The following ITGB3 variants were observed in gnomAD, a reference collection of about 807,000 sequenced individuals.
ITGB3 encodes integrin subunit beta 3.
In ITGB3, 48 loss-of-function variants were observed where a neutral mutation model predicts 85.8. The ratio of observed to expected loss-of-function variants is 0.56; its 90% CI spans 0.44 to 0.71. The LOEUF (loss-of-function observed/expected upper bound fraction) is 0.71. Ranked by LOEUF, ITGB3 falls within the 30% of genes least tolerant of loss-of-function variation. ITGB3 has a pLI of 0.00. For synonymous variants in ITGB3, 363 were observed against 395.6 expected (o/e 0.92, Z 0.98); for missense variants, 861 against 1,019.1 (o/e 0.84, Z 2.11).
chr17:47,270,837 G>A (rs8066295), intron 1 of ITGB3, among the ~76,000 whole-genome samples: 43,077 of 152,040 alleles, frequency 0.28, 6,409 homozygotes, highest in African/African-American at 0.34. Context: ...CAAGGATTCC[G>A]CATATAATCT....
chr17:47,300,346 C>CGTGTGTGTGCGT (rs2065162193), intron 11 of ITGB3, 132 bp from the exon 12 acceptor site: 1 of 611,562 alleles, frequency 1.6e-6, no homozygotes, highest in Non-Finnish European at 3.0e-6. Context: ...CGCGCGCGCG[C>CGTGTGTGTGCGT]GTGTGTGTGT....
intron 10 of ITGB3, among the ~76,000 whole-genome samples, chr17:47,295,926 A>AG (rs1399931354): frequency 2.0e-5 from 3 of 152,158 alleles, no homozygotes; most frequent in African/African-American, 7.2e-5. Flanking sequence ...TGACTGATGG[A>AG]GAAGGGGTTA....
At chr17:47,269,283 C>T (rs1260042151) in intron 1 of ITGB3, among the ~76,000 whole-genome samples, 1 of 152,218 alleles carries the variant, frequency 6.6e-6, no homozygotes, top group East Asian at 1.9e-4. Flanking sequence ...CTCCTCGTTA[C>T]TTATTTCTGC....
intron 4 of ITGB3, among the ~76,000 whole-genome samples, chr17:47,285,858 A>G (rs925376329): frequency 5.3e-5 from 8 of 152,076 alleles, no homozygotes; most frequent in African/African-American, 1.9e-4. Context: ...AGTAATAGCA[A>G]CTCGAGCCTC....
chr17:47,263,094 C>T (rs2065014019), intron 1 of ITGB3, among the ~76,000 whole-genome samples: 1 of 152,178 alleles, frequency 6.6e-6, no homozygotes, highest in South Asian at 2.1e-4. Flanking sequence ...TACTTGAGGT[C>T]ATACGGCCAG....
At chr17:47,272,703 CTTT>C (rs2065049455) in intron 1 of ITGB3, among the ~76,000 whole-genome samples, 1 of 63,180 alleles carries the variant, frequency 1.6e-5, no homozygotes, top group Non-Finnish European at 3.1e-5. Context: ...TTCTTTCCTT[CTTT>C]CTTTCTTTCT....
intron 9 of ITGB3, chr17:47,291,593 T>C: frequency 3.8e-6 from 1 of 265,742 alleles, no homozygotes; most frequent in South Asian, 5.2e-5. Flanking sequence ...AAATAGATCT[T>C]TGGATACGCT....
chr17:47,287,948 CAG>C (rs958551872), intron 6 of ITGB3, among the ~76,000 whole-genome samples: 3 of 79,826 alleles, frequency 3.8e-5, no homozygotes, highest in Non-Finnish European at 6.8e-5. Flanking sequence ...TTTTTTGATA[CAG>C]AGTCTTGCTT....
At chr17:47,289,878 GTC>G in intron 7 of ITGB3, 102 bp downstream of exon 7, 2 of 868,334 alleles carry the variant, frequency 2.3e-6, no homozygotes, top group Non-Finnish European at 3.9e-6. Flanking sequence ...TCAGGAAAGA[GTC>G]TCCCCTAATC....
At chr17:47,272,678 T>TTTCTTTCTA (rs1555571583) in intron 1 of ITGB3, among the ~76,000 whole-genome samples, 14 of 145,182 alleles carry the variant, frequency 9.6e-5, no homozygotes, top group Non-Finnish European at 1.5e-4. Flanking sequence ...TCTTTCTTTC[T>TTTCTTTCTA]TTTTTTTTCT....
chr17:47,292,372 G>C lies in ITGB3; in HGVS notation c.1494G>C (p.Glu498Asp). 3 of 1,614,236 alleles carry C rather than the reference G, an allele frequency of 1.9e-6. No homozygotes were observed. Among genetic ancestry groups the C allele is most frequent in the Non-Finnish European group, 2.5e-6 (3 of 1,180,040 alleles). Reference sequence around the variant, plus strand: ...CTGGCTGGCTGGGATCCCAGTGTGAGTGCTCAGAGGAGGACTATCGCCCTT... The same window carrying C: ...CTGGCTGGCTGGGATCCCAGTGTGACTGCTCAGAGGAGGACTATCGCCCTT... ...CGPGWLGSQC[E>D]CSEEDYRPSQ... is the part of the protein sequence containing the mutation. The change falls in exon 10 of 15, where the codon GAG becomes GAC. Residue 498 changes from glutamate (E) to aspartate (D), a missense_variant. Glu to Asp is a conservative substitution (Grantham distance 45). Coordinates refer to ENST00000559488, the MANE Select transcript of ITGB3 (RefSeq NM_000212.3).
chr17:47,258,099 G>A (rs1436350958), intron 1 of ITGB3, among the ~76,000 whole-genome samples: 1 of 152,186 alleles, frequency 6.6e-6, no homozygotes, highest in Non-Finnish European at 1.5e-5. Flanking sequence ...TCAGAAGACA[G>A]ATAATTAACC....
intron 1 of ITGB3, among the ~76,000 whole-genome samples, chr17:47,272,228 T>G (rs755597913): frequency 3.3e-5 from 5 of 151,736 alleles, no homozygotes; most frequent in Non-Finnish European, 2.9e-5. Flanking sequence ...GCTAATTTTT[T>G]GTATTTTAGT....
intron 6 of ITGB3, among the ~76,000 whole-genome samples, 156 bp from the exon 7 acceptor site, chr17:47,289,525 A>G (rs1036667663): frequency 6.6e-6 from 1 of 152,026 alleles, no homozygotes; most frequent in Non-Finnish European, 1.5e-5. Flanking sequence ...GGGTCTTGCT[A>G]TGTTGCCCAG....
intron 1 of ITGB3, among the ~76,000 whole-genome samples, chr17:47,271,645 C>T (rs950788359): frequency 6.6e-6 from 1 of 152,176 alleles, no homozygotes; most frequent in Non-Finnish European, 1.5e-5. Context: ...ATTTACCTTG[C>T]ACACCACAAT....
intron 1 of ITGB3, among the ~76,000 whole-genome samples, chr17:47,257,376 A>G (rs1261518401): frequency 3.3e-5 from 5 of 152,240 alleles, no homozygotes; most frequent in Admixed American, 3.3e-4. Context: ...AGGCTTATAC[A>G]TTTGCTTTAC....
intron 1 of ITGB3, among the ~76,000 whole-genome samples, chr17:47,265,155 A>G (rs1005028690): frequency 6.6e-6 from 1 of 152,258 alleles, no homozygotes; most frequent in African/African-American, 2.4e-5. Context: ...TTCAAACCTT[A>G]TCCATACGTG....
intron 10 of ITGB3, among the ~76,000 whole-genome samples, chr17:47,295,769 G>A (rs574246938): frequency 2.8e-5 from 4 of 140,456 alleles, no homozygotes; most frequent in East Asian, 2.6e-4. Context: ...GTGAAAGGCC[G>A]GGGGGCGGGT....
intron 1 of ITGB3, among the ~76,000 whole-genome samples, chr17:47,269,212 A>G (rs528373882): frequency 6.6e-5 from 10 of 152,340 alleles, no homozygotes; most frequent in African/African-American, 2.4e-4. Flanking sequence ...AGGGGCTACC[A>G]TGAAGGTCTC....
Sources: allele counts gnomAD v4.1 joint callset (sites outside exome capture counted in the v4.1 genomes callset), GRCh38; gene constraint gnomAD v4.1.1; transcripts MANE v1.5; gene names NCBI Gene and HGNC (gene_info 2026-07-23, HGNC 2026-07-21).